The following TNRC6B variants were observed in gnomAD, a reference collection of about 807,000 sequenced individuals.
TNRC6B encodes trinucleotide repeat containing adaptor 6B, also known as trinucleotide repeat-containing gene 6B protein.
TNRC6B carries 52 observed loss-of-function variants against 203.6 expected under a neutral mutation model. The ratio of observed to expected loss-of-function variants is 0.26; its 90% CI spans 0.20 to 0.32. TNRC6B has a LOEUF of 0.32. Among genes scored for constraint, TNRC6B ranks in the 10% least tolerant of loss-of-function variants. The pLI, the probability that TNRC6B is intolerant of heterozygous loss-of-function variation, is 1.00. For missense variants in TNRC6B, 1,923 were observed against 2,286.2 expected (o/e 0.84, Z 3.24); for synonymous variants, 838 against 845.7 (o/e 0.99, Z 0.16).
intron 1 of TNRC6B, among the ~76,000 whole-genome samples, chr22:40,245,247 T>C (rs2070089976): frequency 6.6e-6 from 1 of 151,860 alleles, no homozygotes; most frequent in South Asian, 2.1e-4. Flanking sequence ...CATGCCACCA[T>C]GCCCGGCTAA....
At chr22:40,136,770 C>T (rs1306746201) in intron 3 of TNRC6B, among the ~76,000 whole-genome samples, 1 of 151,914 alleles carries the variant, frequency 6.6e-6, no homozygotes, top group Non-Finnish European at 1.5e-5. Context: ...AAATTTATAG[C>T]TATATATTTA....
At chr22:40,129,964 G>A (rs1311361601) in intron 3 of TNRC6B, among the ~76,000 whole-genome samples, 1 of 152,194 alleles carries the variant, frequency 6.6e-6, no homozygotes. Context: ...TTTAATTGGA[G>A]TAGGAGGTGC....
chr22:40,192,590 A>G (rs570450017), intron 1 of TNRC6B, among the ~76,000 whole-genome samples: 1 of 152,258 alleles, frequency 6.6e-6, no homozygotes, highest in South Asian at 2.1e-4. Flanking sequence ...GCATTCCTGC[A>G]TAGGCAACTG....
chr22:40,245,710 TCGTG>T (rs918415138), intron 1 of TNRC6B, among the ~76,000 whole-genome samples: 2 of 87,150 alleles, frequency 2.3e-5, no homozygotes, highest in East Asian at 2.5e-3. Context: ...TGGAAATTAA[TCGTG>T]TGTGTGTGTG....
At chr22:40,132,312 G>A (rs1252045775) in intron 3 of TNRC6B, among the ~76,000 whole-genome samples, 1 of 152,074 alleles carries the variant, frequency 6.6e-6, no homozygotes, top group Non-Finnish European at 1.5e-5. Flanking sequence ...GTTGCAGTGA[G>A]CCAAGATCAC....
intron 3 of TNRC6B, among the ~76,000 whole-genome samples, chr22:40,134,370 C>T (rs973637221): frequency 4.6e-5 from 7 of 152,126 alleles, no homozygotes; most frequent in Non-Finnish European, 7.3e-5. Context: ...ATTCCACTAG[C>T]GGAATGTTCT....
In TNRC6B at chr22:40,301,225, T is replaced by C. The variant is rs1403206198; in HGVS notation, c.4012T>C (p.Ser1338Pro). The change falls in exon 15 of 23, where the codon TCT (serine) becomes CCT (proline). Residue 1338 changes from serine to proline, a missense_variant. Ser to Pro is a moderately conservative substitution (Grantham distance 74). Coordinates refer to ENST00000454349, the MANE Select transcript of TNRC6B (RefSeq NM_001162501.2). ...QRQPGMKHSP[S>P]HPVGPKPHLD... ...GCAGCCAGGCATGAAGCACTCGCCC[T>C]CTCATCCTGTTGGGCCCAAGCCGCA... 3 of 1,558,770 alleles carry C rather than the reference T, an allele frequency of 1.9e-6. No homozygotes were observed. The highest frequency in any genetic ancestry group is 2.6e-6 in the Non-Finnish European group (3 of 1,150,770).
intron 1 of TNRC6B, among the ~76,000 whole-genome samples, chr22:40,242,018 T>C (rs1165419300): frequency 6.6e-6 from 1 of 152,226 alleles, no homozygotes; most frequent in African/African-American, 2.4e-5. Context: ...GTTCATCTTG[T>C]ACTTTCCTTA....
intron 12 of TNRC6B, among the ~76,000 whole-genome samples, chr22:40,295,952 G>A (rs2070933481): frequency 6.6e-6 from 1 of 152,144 alleles, no homozygotes; most frequent in African/African-American, 2.4e-5. Context: ...GAATTGTGGA[G>A]CCCTCCCTGT....
intron 3 of TNRC6B, among the ~76,000 whole-genome samples, chr22:40,127,670 G>A (rs368807228): frequency 3.1e-4 from 47 of 152,088 alleles, no homozygotes; most frequent in African/African-American, 9.9e-4. Context: ...TCAAGACTTC[G>A]AGACCAGCCT....
At chr22:40,263,039 TAAAAA>T (rs34886394) in intron 4 of TNRC6B, among the ~76,000 whole-genome samples, 1 of 134,734 alleles carries the variant, frequency 7.4e-6, no homozygotes, top group Non-Finnish European at 1.6e-5. Context: ...GACTCCGTCT[TAAAAA>T]AAAAAAAAAA....
chr22:40,189,927 G>C (rs2069250796), intron 1 of TNRC6B, among the ~76,000 whole-genome samples: 1 of 152,138 alleles, frequency 6.6e-6, no homozygotes, highest in African/African-American at 2.4e-5. Context: ...CAAAAAAGTA[G>C]AATGAACAGT....
chr22:40,170,342 T>TTA (rs1399768331), intron 4 of TNRC6B, among the ~76,000 whole-genome samples: 9 of 78,498 alleles, frequency 1.1e-4, no homozygotes, highest in Admixed American at 3.6e-4. Flanking sequence ...TATATATAGT[T>TTA]TATATATATA....
chr22:40,187,614 G>A (rs537295272), intron 1 of TNRC6B, among the ~76,000 whole-genome samples: 2 of 152,234 alleles, frequency 1.3e-5, no homozygotes, highest in East Asian at 1.9e-4. Context: ...GATGAAGTTA[G>A]GATTGCTTTA....
At position 40,139,991 on chromosome 22, in the gene TNRC6B, G is replaced by A. The variant is rs184194986; in HGVS notation, c.45+14129G>A. ...GCCCCCACAGTTAGGTCTGTGATCCGCCTCAAATTAAGTTTTGTATATAGT... is the reference window on the plus strand; with the variant it reads ...GCCCCCACAGTTAGGTCTGTGATCCACCTCAAATTAAGTTTTGTATATAGT... On this transcript the variant is annotated intron_variant, in intron 3 of 23. Transcript: ENST00000301923. Among the ~76,000 whole-genome samples, 12 of 152,190 alleles carry A rather than the reference G, an allele frequency of 7.9e-5. No individual in the cohort carries two copies. In the East Asian group the frequency reaches 1.7e-3, roughly 22 times the overall value.
chr22:40,311,541 GA>G (rs1425311909), intron 17 of TNRC6B, among the ~76,000 whole-genome samples: 3 of 151,460 alleles, frequency 2.0e-5, no homozygotes, highest in Non-Finnish European at 4.4e-5. Context: ...TATTAAGGTA[GA>G]ATTTTTTTTT....
In TNRC6B at chr22:40,266,662, G is replaced by A. The variant is rs527604382; in HGVS notation, c.2432G>A (p.Arg811Gln). The A allele has an allele frequency of 6.8e-6, 11 of 1,613,286 alleles. No homozygotes were observed. The East Asian group carries it at 8.9e-5, about 13-fold the overall frequency. Reference sequence around the variant, plus strand: ...TCCCCAGCATGGAATGAGACGGGCCGACAGCCCAATTCCTGGAATAAACAA... The same window carrying A: ...TCCCCAGCATGGAATGAGACGGGCCAACAGCCCAATTCCTGGAATAAACAA... ...KRSPAWNETG[R>Q]QPNSWNKQHQ... Residue 811 changes from arginine (R) to glutamine (Q), a missense_variant, in exon 5 of 23, where the codon CGA becomes CAA. Transcript: ENST00000454349.
intron 1 of TNRC6B, among the ~76,000 whole-genome samples, chr22:40,210,788 C>T (rs2069551004): frequency 6.6e-6 from 1 of 152,130 alleles, no homozygotes; most frequent in South Asian, 2.1e-4. Context: ...GTCCAGGAAC[C>T]TGGAAATATG....
rs1440930556 is a variant in TNRC6B at position 40,334,456 on chromosome 22, C to T, written c.*11215C>T. 6.6e-6 allele frequency: 1 copy of T among 152,582 alleles called. No individual in the cohort carries two copies. Among genetic ancestry groups the T allele is most frequent in the African/African-American group, 2.4e-5 (1 of 41,420 alleles). The allele number at this position is 152,582 out of a possible 1,614,324, so 9.5% of individuals were successfully genotyped here. On this transcript the variant is annotated 3_prime_UTR_variant, in exon 23 of 23. Transcript: ENST00000454349. ...CTCAACTGTTCCCACTCCTAACTCT[C>T]CACTATGTGCTTATAACTTCACATT...
Sources: gnomAD v4.1 joint callset for allele counts (sites outside exome capture counted in the v4.1 genomes callset) on GRCh38, gnomAD v4.1.1 for gene constraint, MANE v1.5 for transcripts, NCBI Gene and HGNC (gene_info 2026-07-23, HGNC 2026-07-21) for gene names.